Variants in BTK observed in about 807,000 individuals in gnomAD.
BTK encodes the protein Bruton tyrosine kinase, also known as tyrosine-protein kinase BTK.
Under a neutral mutation model 57.4 loss-of-function variants are expected in BTK, and 5 were observed. The ratio of observed to expected loss-of-function variants is 0.09; its 90% CI spans 0.05 to 0.18. The LOEUF is 0.18. Ranked by LOEUF, BTK falls within the 10% of genes least tolerant of loss-of-function variation. BTK has a pLI of 1.00. For missense variants in BTK, 194 were observed against 501.2 expected (o/e 0.39, Z 5.85); for synonymous variants, 154 against 174.3 (o/e 0.88, Z 0.92).
intron 5 of BTK, among the ~76,000 whole-genome samples, chrX:101,364,409 C>CAAAA (rs782095484): frequency 2.0e-5 from 1 of 50,074 alleles, no homozygotes; most frequent in Non-Finnish European, 3.8e-5. Flanking sequence ...AACTCCAACT[C>CAAAA]AAAAAAAAAA....
At chrX:101,371,739 C>T (rs1555980338) in intron 3 of BTK, 38 bp from the exon 4 acceptor site, 11 of 1,092,159 alleles carry the variant, frequency 1.0e-5, no homozygotes, top group African/African-American at 1.8e-5. Context: ...TTGGTTGATG[C>T]ATTGCTCTTT....
chrX:101,374,867 C>G (rs1332437172), intron 2 of BTK, among the ~76,000 whole-genome samples: 1 of 111,652 alleles, frequency 9.0e-6, no homozygotes, highest in African/African-American at 3.3e-5. Context: ...AGTAAGGAAG[C>G]AATTTCCAAC....
In BTK at chrX:101,351,042, C is replaced by T. The variant is rs1245151021; in HGVS notation, c.1909-1086G>A. On this transcript the variant is annotated intron_variant, in intron 18 of 18. Coordinates refer to ENST00000308731, the MANE Select transcript of BTK (RefSeq NM_000061.3). ...ACACAGTCTCGCTCTGTCACTCAGG[C>T]CAGAGTGCAGTGGCAGGATCTCGGC... Among the ~76,000 whole-genome samples the T allele has an allele frequency of 4.3e-4, 48 of 111,892 alleles. No homozygotes were observed. The Admixed American group carries it at 4.5e-3, about 11-fold the overall frequency.
intron 3 of BTK, among the ~76,000 whole-genome samples, chrX:101,373,256 C>CTT (rs1555980625): frequency 4.3e-4 from 47 of 110,375 alleles, no homozygotes; most frequent in Non-Finnish European, 8.5e-4. Flanking sequence ...AAGAGAAGAA[C>CTT]AAAATTTTAC....
At chrX:101,387,482 C>T (rs1927654034), upstream of BTK, among the ~76,000 whole-genome samples, 1 of 106,323 alleles carries the variant, frequency 9.4e-6, no homozygotes, top group African/African-American at 3.4e-5. Context: ...CACCCTAGTA[C>T]CTGGGACTAT....
At chrX:101,367,220 G>A (rs113306929) in intron 5 of BTK, among the ~76,000 whole-genome samples, 1 of 105,530 alleles carries the variant, frequency 9.5e-6, no homozygotes, top group Non-Finnish European at 1.9e-5. Context: ...CTCCAGCCTG[G>A]GCAACAGAGT....
intron 11 of BTK, 75 bp downstream of exon 11, chrX:101,358,542 G>A (rs1312032332): frequency 3.4e-6 from 4 of 1,171,905 alleles, no homozygotes; most frequent in East Asian, 3.0e-5. Context: ...GAAGTGGGAC[G>A]GGCACAGCAT....
intron 1 of BTK, 45 bp from the exon 2 acceptor site, chrX:101,375,359 A>C: frequency 1.7e-6 from 2 of 1,156,828 alleles, no homozygotes; most frequent in Non-Finnish European, 2.4e-6. Context: ...ATTAATCCTC[A>C]TCCCTCTTGG....
intron 1 of BTK, among the ~76,000 whole-genome samples, chrX:101,385,840 C>T (rs782517519): frequency 4.5e-5 from 5 of 111,509 alleles, no homozygotes; most frequent in Non-Finnish European, 9.4e-5. Flanking sequence ...TTTTTCTCTT[C>T]CTGTTCCGCC....
chrX:101,358,271 G>A (rs1926552332), intron 12 of BTK, 39 bp downstream of exon 12: 3 of 1,209,726 alleles, frequency 2.5e-6, no homozygotes, highest in Non-Finnish European at 2.2e-6. Flanking sequence ...GCTTATCCTG[G>A]TGTCTGTAAC....
chrX:101,375,979 G>A (rs995323786), intron 1 of BTK, among the ~76,000 whole-genome samples: 2 of 39,417 alleles, frequency 5.1e-5, no homozygotes, highest in African/African-American at 5.6e-4. Context: ...GGTTTTGGTG[G>A]GGGGGGGGTA....
chrX:101,370,671 A>C (rs1926996798), intron 4 of BTK, among the ~76,000 whole-genome samples: 1 of 112,238 alleles, frequency 8.9e-6, no homozygotes, highest in African/African-American at 3.2e-5. Flanking sequence ...CAAGTCAAAT[A>C]GTATTTTTTT....
chrX:101,379,782 AAG>A (rs201859337), intron 1 of BTK, among the ~76,000 whole-genome samples: 4,891 of 112,048 alleles, frequency 0.044, 273 homozygotes, highest in African/African-American at 0.15. Flanking sequence ...TACAGGAGAT[AAG>A]AGAGTATTCA....
intron 5 of BTK, among the ~76,000 whole-genome samples, chrX:101,366,731 G>T (rs1926862494): frequency 9.7e-6 from 1 of 103,444 alleles, no homozygotes; most frequent in African/African-American, 3.3e-5. Context: ...ATACCCAGGT[G>T]GAACTACTGG....
At chrX:101,381,800 C>A (rs782233578) in intron 1 of BTK, among the ~76,000 whole-genome samples, 1 of 110,609 alleles carries the variant, frequency 9.0e-6, no homozygotes, top group Non-Finnish European at 1.9e-5. Context: ...GAGGCTGAGG[C>A]GGCTGGATGG....
chrX:101,362,773 T>C, intron 5 of BTK, 84 bp from the exon 6 acceptor site: 2 of 1,187,817 alleles, frequency 1.7e-6, no homozygotes, highest in Non-Finnish European at 2.3e-6. Flanking sequence ...AGCTTAGTGG[T>C]GAACTTCAAG....
chrX:101,367,775 T>C (rs1926908067), intron 5 of BTK, among the ~76,000 whole-genome samples: 1 of 111,756 alleles, frequency 8.9e-6, no homozygotes, highest in Admixed American at 9.6e-5. Context: ...TCTCCCTTAT[T>C]TCTCCTTCAG....
intron 3 of BTK, among the ~76,000 whole-genome samples, chrX:101,372,070 A>G (rs782009833): frequency 1.8e-5 from 2 of 112,010 alleles, no homozygotes; most frequent in South Asian, 7.4e-4. Context: ...AAAACTATGA[A>G]TGACTGAGAG....
chrX:101,360,237 A>G, intron 8 of BTK, 87 bp from the exon 9 acceptor site: 1 of 681,413 alleles, frequency 1.5e-6, no homozygotes, highest in Admixed American at 2.2e-5. Flanking sequence ...TGAGCTCAGA[A>G]CAAATCTCAA....
Sources: allele counts gnomAD v4.1 joint callset (sites outside exome capture counted in the v4.1 genomes callset), GRCh38; gene constraint gnomAD v4.1.1; transcripts MANE v1.5; gene names NCBI Gene and HGNC (gene_info 2026-07-23, HGNC 2026-07-21).